Variants in XIRP2 observed in about 807,000 individuals in gnomAD.
XIRP2 encodes the protein xin actin-binding repeat-containing protein 2.
Under a neutral mutation model 277.0 loss-of-function variants are expected in XIRP2, and 236 were observed. That is an observed-to-expected ratio of 0.85 (90% CI 0.77 to 0.95). The LOEUF (loss-of-function observed/expected upper bound fraction) is 0.95, where lower values mean the gene tolerates loss of function less well. XIRP2 is among the 40% of genes least tolerant of loss of function. XIRP2 has a pLI of 0.00. For missense variants in XIRP2, 4,640 were observed against 4,157.5 expected (o/e 1.12, Z -3.19); for synonymous variants, 1,490 against 1,416.5 (o/e 1.05, Z -1.17).
intron 9 of XIRP2, among the ~76,000 whole-genome samples, chr2:167,252,871 G>T (rs1041754480): frequency 6.6e-6 from 1 of 151,936 alleles, no homozygotes; most frequent in Non-Finnish European, 1.5e-5. Flanking sequence ...TATGTGTCTA[G>T]TTTATCAGGT....
chr2:167,024,544 C>G (rs7589811), intron 2 of XIRP2, among the ~76,000 whole-genome samples: 3,820 of 151,930 alleles, frequency 0.025, 148 homozygotes, highest in African/African-American at 0.086. Flanking sequence ...TTTTCAAAGG[C>G]AATGCTTCCA....
At chr2:167,021,153 T>C (rs944406290) in intron 2 of XIRP2, among the ~76,000 whole-genome samples, 2 of 152,106 alleles carry the variant, frequency 1.3e-5, no homozygotes, top group East Asian at 3.9e-4. Flanking sequence ...TGATATATAA[T>C]CATTTTGGCA....
At chr2:167,254,614 T>G (rs2105453882) in intron 10 of XIRP2, among the ~76,000 whole-genome samples, 1 of 152,024 alleles carries the variant, frequency 6.6e-6, no homozygotes, top group African/African-American at 2.4e-5. Flanking sequence ...CAAATGGGTG[T>G]GGTTGTAAAT....
At chr2:167,185,323 T>C (rs1024290235) in intron 3 of XIRP2, among the ~76,000 whole-genome samples, 2 of 152,146 alleles carry the variant, frequency 1.3e-5, no homozygotes, top group African/African-American at 4.8e-5. Flanking sequence ...TTTTTGTTGG[T>C]CTTAATGTAT....
intron 4 of XIRP2, among the ~76,000 whole-genome samples, chr2:167,216,914 A>G (rs1461183856): frequency 7.8e-6 from 1 of 128,436 alleles, no homozygotes; most frequent in Middle Eastern, 3.5e-3. Flanking sequence ...CTGGATTAAG[A>G]AAATGTGGCA....
chr2:166,907,813 G>A (rs1251638285), intron 2 of XIRP2, among the ~76,000 whole-genome samples: 3 of 127,980 alleles, frequency 2.3e-5, no homozygotes, highest in African/African-American at 6.2e-5. Flanking sequence ...CCCTTCCTGT[G>A]TCCAAGTGTT....
chr2:167,194,877 G>A (rs1693456476), intron 3 of XIRP2, among the ~76,000 whole-genome samples: 1 of 152,102 alleles, frequency 6.6e-6, no homozygotes, highest in Non-Finnish European at 1.5e-5. Context: ...CTGGCACATA[G>A]TAAGTGCTGT....
At chr2:167,061,125 G>A (rs974385228) in intron 2 of XIRP2, among the ~76,000 whole-genome samples, 2 of 152,098 alleles carry the variant, frequency 1.3e-5, no homozygotes, top group Middle Eastern at 3.4e-3. Context: ...AATAGAAGAG[G>A]CAATTATTCA....
At chr2:166,975,696 C>T (rs756248050) in intron 2 of XIRP2, among the ~76,000 whole-genome samples, 26 of 151,918 alleles carry the variant, frequency 1.7e-4, no homozygotes, top group Admixed American at 1.2e-3. Flanking sequence ...GAGGCCAAGG[C>T]GGGCAGATCA....
chr2:166,948,292 T>G (rs1292043025), intron 2 of XIRP2, among the ~76,000 whole-genome samples: 2 of 152,108 alleles, frequency 1.3e-5, no homozygotes, highest in Non-Finnish European at 2.9e-5. Context: ...ATGTTGATAA[T>G]GAGCAGGGCT....
At position 167,237,733 on chromosome 2, in the gene XIRP2, A is replaced by G. The variant is rs181346809; in HGVS notation, c.859-2122A>G. 3.0e-3 allele frequency among the ~76,000 whole-genome samples: 454 copies of G among 152,276 alleles called. 2 individuals are homozygous for G. Among genetic ancestry groups the G allele is most frequent in the African/African-American group, 0.01 (421 of 41,562 alleles). Reference sequence around the variant, plus strand: ...TAGAAATGATCACGGTGCCCCTCATAGGGACCTTGGTTCTGATCAGGTGCA... The same window carrying G: ...TAGAAATGATCACGGTGCCCCTCATGGGGACCTTGGTTCTGATCAGGTGCA... On this transcript the variant is annotated intron_variant, in intron 5 of 10. Transcript: ENST00000409195.
At chr2:167,097,161 T>A (rs1690344962) in intron 2 of XIRP2, among the ~76,000 whole-genome samples, 1 of 152,158 alleles carries the variant, frequency 6.6e-6, no homozygotes, top group African/African-American at 2.4e-5. Flanking sequence ...AGTCTCCCAC[T>A]GTTATTGAGT....
chr2:167,153,386 A>G (rs1692077908), intron 3 of XIRP2, among the ~76,000 whole-genome samples: 1 of 150,054 alleles, frequency 6.7e-6, no homozygotes, highest in Non-Finnish European at 1.5e-5. Context: ...AAGTTTCTGA[A>G]CTCAAAATTT....
intron 3 of XIRP2, among the ~76,000 whole-genome samples, chr2:167,207,796 A>AT (rs1693902767): frequency 6.6e-6 from 1 of 152,116 alleles, no homozygotes; most frequent in Non-Finnish European, 1.5e-5. Flanking sequence ...TAAAATGTAA[A>AT]TATTTTTTCC....
intron 2 of XIRP2, among the ~76,000 whole-genome samples, chr2:167,075,712 G>A (rs534438097): frequency 9.2e-5 from 14 of 152,140 alleles, no homozygotes; most frequent in South Asian, 2.1e-4. Context: ...CGTGATCTCC[G>A]CTCACTGCAA....
intron 2 of XIRP2, among the ~76,000 whole-genome samples, chr2:167,046,920 A>G (rs1305624394): frequency 6.6e-6 from 1 of 151,920 alleles, no homozygotes; most frequent in East Asian, 1.9e-4. Context: ...CCCCTCGAAC[A>G]TGAAATAAAA....
chr2:166,907,655 G>C (rs978931678), intron 2 of XIRP2, among the ~76,000 whole-genome samples: 2 of 150,650 alleles, frequency 1.3e-5, no homozygotes, highest in Admixed American at 1.3e-4. Flanking sequence ...GGGTACATGT[G>C]CACAACGTGC....
chr2:167,082,327 T>C (rs1689762202), intron 2 of XIRP2, among the ~76,000 whole-genome samples: 1 of 152,222 alleles, frequency 6.6e-6, no homozygotes, highest in African/African-American at 2.4e-5. Flanking sequence ...TGCCACATTT[T>C]CTTAATCCGG....
Position 167,251,296 on chromosome 2 carries a change from C to A in XIRP2, c.9904C>A (p.Pro3302Thr), listed in dbSNP as rs1695493595. Reference sequence around the variant, plus strand: ...TGAAATCATCCGCAAGGTTGCAGTGCCTCCTCGCCTGTCAGAGCACACACA... The same window carrying A: ...TGAAATCATCCGCAAGGTTGCAGTGACTCCTCGCCTGTCAGAGCACACACA... ...AVEIIRKVAV[P>T]PRLSEHTQRY... The change falls in exon 9 of 11, where the codon CCT becomes ACT. Residue 3302 changes from proline to threonine, a missense_variant. Coordinates refer to ENST00000409195, the MANE Select transcript of XIRP2 (RefSeq NM_152381.6). The A allele has an allele frequency of 1.9e-6, 3 of 1,613,556 alleles. No homozygotes were observed. The highest frequency in any genetic ancestry group is 2.5e-6 in the Non-Finnish European group (3 of 1,179,672).
Sources: gnomAD v4.1 joint callset for allele counts (sites outside exome capture counted in the v4.1 genomes callset) on GRCh38, gnomAD v4.1.1 for gene constraint, MANE v1.5 for transcripts, NCBI Gene and HGNC (gene_info 2026-07-23, HGNC 2026-07-21) for gene names.